EPHA6: variants seen among roughly 807,000 people sequenced by gnomAD.
The protein encoded by EPHA6 is ephrin type-A receptor 6.
EPHA6 carries 50 observed loss-of-function variants against 112.0 expected under a neutral mutation model. That is an observed-to-expected ratio of 0.45 (90% CI 0.36 to 0.56). EPHA6 has a LOEUF of 0.56. EPHA6 is among the 20% of genes least tolerant of loss of function. EPHA6 has a pLI of 0.00. For synonymous variants in EPHA6, 529 were observed against 490.7 expected (o/e 1.08, Z -1.03); for missense variants, 1,280 against 1,417.4 (o/e 0.90, Z 1.56).
At chr3:97,214,768 T>C (rs185179741) in intron 3 of EPHA6, among the ~76,000 whole-genome samples, 1 of 152,306 alleles carries the variant, frequency 6.6e-6, no homozygotes, top group Non-Finnish European at 1.5e-5. Flanking sequence ...TTTGGTGAAT[T>C]TGAGAATTTC....
chr3:97,102,491 TGAA>T (rs1265888909), intron 3 of EPHA6, among the ~76,000 whole-genome samples: 6 of 152,112 alleles, frequency 3.9e-5, no homozygotes, highest in African/African-American at 7.2e-5. Flanking sequence ...GTAAATTTAA[TGAA>T]GAGCTGTTAA....
chr3:97,708,940 A>G (rs1182919364), intron 14 of EPHA6, among the ~76,000 whole-genome samples: 2 of 152,202 alleles, frequency 1.3e-5, no homozygotes, highest in Non-Finnish European at 2.9e-5. Context: ...CCTAGATTTC[A>G]GAGGACGTAT....
chr3:97,440,247 C>T (rs1404502908), intron 6 of EPHA6, among the ~76,000 whole-genome samples: 1 of 151,934 alleles, frequency 6.6e-6, no homozygotes, highest in Non-Finnish European at 1.5e-5. Flanking sequence ...ATTCAAATGC[C>T]AGTCTTTTAC....
At chr3:97,359,945 T>C (rs1361110342) in intron 5 of EPHA6, among the ~76,000 whole-genome samples, 2 of 152,276 alleles carry the variant, frequency 1.3e-5, no homozygotes, top group African/African-American at 2.4e-5. Context: ...TTGCCTTTCA[T>C]GTACGGCTCC....
chr3:97,382,745 T>C (rs773019879), intron 5 of EPHA6, among the ~76,000 whole-genome samples: 7 of 152,016 alleles, frequency 4.6e-5, no homozygotes, highest in Non-Finnish European at 7.4e-5. Flanking sequence ...TTTCAATATG[T>C]TGAAAACAAA....
chr3:96,837,772 G>A lies in EPHA6; in HGVS notation c.385+22764G>A, dbSNP rs144672333. On this transcript the variant is annotated intron_variant, in intron 1 of 17. Coordinates refer to ENST00000389672, the MANE Select transcript of EPHA6 (RefSeq NM_001080448.3). ...AATCAAAATTAAAACAAAATATAAG[G>A]CAGTATTTCATCTTTTTATTTGAGA... Among the ~76,000 whole-genome samples, 1,412 of 151,976 alleles carry A rather than the reference G, an allele frequency of 9.3e-3. 12 individuals are homozygous for A. The highest frequency in any genetic ancestry group is 0.014 in the Non-Finnish European group (934 of 67,942).
intron 11 of EPHA6, among the ~76,000 whole-genome samples, chr3:97,568,845 A>G (rs556900203): frequency 3.3e-5 from 5 of 152,302 alleles, no homozygotes; most frequent in East Asian, 3.9e-4. Context: ...CTTAACTCCA[A>G]CAAGGACAAG....
intron 2 of EPHA6, among the ~76,000 whole-genome samples, chr3:96,980,641 G>A (rs1392035250): frequency 1.3e-5 from 2 of 149,692 alleles, no homozygotes; most frequent in Non-Finnish European, 3.0e-5. Context: ...ATTACCTTGG[G>A]CAGTATGGCC....
chr3:97,119,866 T>C (rs2047993984), intron 3 of EPHA6, among the ~76,000 whole-genome samples: 1 of 152,164 alleles, frequency 6.6e-6, no homozygotes, highest in South Asian at 2.1e-4. Flanking sequence ...AATATTCATA[T>C]GTACTATGTA....
intron 2 of EPHA6, among the ~76,000 whole-genome samples, chr3:96,919,169 CTACTCT>C (rs2039633881): frequency 6.6e-6 from 1 of 151,780 alleles, no homozygotes; most frequent in South Asian, 2.1e-4. Context: ...GGAAAAAAGC[CTACTCT>C]TTGCTATGTT....
At chr3:97,626,196 G>A (rs1447841389) in intron 13 of EPHA6, among the ~76,000 whole-genome samples, 1 of 151,822 alleles carries the variant, frequency 6.6e-6, no homozygotes, top group Admixed American at 6.6e-5. Flanking sequence ...TGTATGCAAT[G>A]TAAGTATCCA....
At chr3:96,831,275 A>G (rs1189684383) in intron 1 of EPHA6, among the ~76,000 whole-genome samples, 1 of 152,112 alleles carries the variant, frequency 6.6e-6, no homozygotes, top group Non-Finnish European at 1.5e-5. Context: ...TAAACACCAT[A>G]TAAGCTGTCT....
At chr3:97,721,114 C>T (rs1189628872) in intron 15 of EPHA6, among the ~76,000 whole-genome samples, 1 of 152,146 alleles carries the variant, frequency 6.6e-6, no homozygotes, top group Non-Finnish European at 1.5e-5. Context: ...CAGGCTTTGT[C>T]TACTCACCTG....
At chr3:96,841,629 C>G (rs2107324846) in intron 1 of EPHA6, among the ~76,000 whole-genome samples, 1 of 152,134 alleles carries the variant, frequency 6.6e-6, no homozygotes, top group East Asian at 1.9e-4. Context: ...CCTCATTCAG[C>G]TTTGGTTTCT....
At chr3:97,371,007 G>A (rs933946939) in intron 5 of EPHA6, among the ~76,000 whole-genome samples, 1 of 151,624 alleles carries the variant, frequency 6.6e-6, no homozygotes, top group African/African-American at 2.4e-5. Flanking sequence ...CTCATAAGGA[G>A]TGGGAGATGA....
At chr3:97,054,189 C>A (rs1165655308) in intron 3 of EPHA6, among the ~76,000 whole-genome samples, 3 of 151,794 alleles carry the variant, frequency 2.0e-5, no homozygotes, top group Non-Finnish European at 2.9e-5. Context: ...CACACACACA[C>A]ACACACAACA....
chr3:97,098,647 C>G (rs2047315399), intron 3 of EPHA6, among the ~76,000 whole-genome samples: 2 of 151,686 alleles, frequency 1.3e-5, no homozygotes, highest in South Asian at 2.1e-4. Context: ...AAGACTTTTT[C>G]AAAAACCCTT....
At chr3:97,434,039 C>CTT (rs3037899) in intron 6 of EPHA6, among the ~76,000 whole-genome samples, 18,720 of 152,046 alleles carry the variant, frequency 0.12, 3,683 homozygotes, top group African/African-American at 0.41. Context: ...AGAATTGTGA[C>CTT]ATTTCTGTAT....
At chr3:97,211,820 A>ACTT (rs1381863018) in intron 3 of EPHA6, among the ~76,000 whole-genome samples, 3 of 152,214 alleles carry the variant, frequency 2.0e-5, no homozygotes, top group Non-Finnish European at 4.4e-5. Context: ...TAAACTAAAG[A>ACTT]AACAGAACTC....
Sources: gnomAD v4.1 joint callset for allele counts (sites outside exome capture counted in the v4.1 genomes callset) on GRCh38, gnomAD v4.1.1 for gene constraint, MANE v1.5 for transcripts, NCBI Gene and HGNC (gene_info 2026-07-23, HGNC 2026-07-21) for gene names.